CDS1: variants seen among roughly 807,000 people sequenced by gnomAD.
CDS1 encodes CDP-diacylglycerol synthase 1, also known as phosphatidate cytidylyltransferase 1.
In CDS1, 41 loss-of-function variants were observed where a neutral mutation model predicts 62.1. The observed-to-expected ratio is 0.66, with a 90% CI of 0.51 to 0.86. CDS1 has a LOEUF of 0.86. CDS1 is among the 40% of genes least tolerant of loss of function. The probability of loss-of-function intolerance (pLI) is 0.00; values close to 1 mark genes in which losing one functional copy is unlikely to be tolerated. For synonymous variants in CDS1, 185 were observed against 192.6 expected (o/e 0.96, Z 0.32); for missense variants, 470 against 550.1 (o/e 0.85, Z 1.46).
intron 1 of CDS1, among the ~76,000 whole-genome samples, chr4:84,595,723 A>G (rs969455659): frequency 6.6e-6 from 1 of 152,248 alleles, no homozygotes; most frequent in Admixed American, 6.5e-5. Context: ...ATAAGATCTC[A>G]GGTAAAAAAC....
chr4:84,622,939 T>C (rs1189169462), intron 5 of CDS1, among the ~76,000 whole-genome samples: 7 of 152,234 alleles, frequency 4.6e-5, no homozygotes, highest in Non-Finnish European at 7.3e-5. Context: ...TTACAACTTT[T>C]TGTTTTTCCC....
At chr4:84,593,731 TGACCTC>T (rs1328945823) in intron 1 of CDS1, among the ~76,000 whole-genome samples, 1 of 152,158 alleles carries the variant, frequency 6.6e-6, no homozygotes, top group African/African-American at 2.4e-5. Context: ...CTCGAACTCC[TGACCTC>T]AAGTGATCCA....
rs1358912243 is a variant in CDS1, at chr4:84,583,432, C to T, written c.31C>T (p.Pro11Ser). Residue 11 changes from proline (P) to serine (S), a missense_variant, in exon 1 of 13, where the codon CCC (proline) becomes TCC (serine). Pro to Ser is a moderately conservative substitution (Grantham distance 74). This residue lies in a region of CDS1 where 150 missense variants were observed against 142.0 expected (regional missense o/e 1.06). Coordinates refer to ENST00000295887, the MANE Select transcript of CDS1 (RefSeq NM_001263.4). MLELRHRGSC[P>S]GPREAVSPPH... is the part of the protein sequence containing the mutation. ...GGAGCTGAGGCACCGGGGAAGCTGC[C>T]CCGGCCCCAGGGAAGCGGTGTCGCC... is the stretch of plus-strand genomic sequence containing the variant. 2 of 1,596,836 alleles carry T rather than the reference C, an allele frequency of 1.3e-6. No individual in the cohort carries two copies. Among genetic ancestry groups the T allele is most frequent in the African/African-American group, 1.4e-5 (1 of 73,742 alleles).
At chr4:84,611,849 GCCCCCAGCT>G in intron 3 of CDS1, among the ~76,000 whole-genome samples, 1 of 152,228 alleles carries the variant, frequency 6.6e-6, no homozygotes, top group African/African-American at 2.4e-5. Flanking sequence ...CCAGGAAGAG[GCCCCCAGCT>G]CCCAGTCTTC....
chr4:84,638,253 A>G (rs1166173328), intron 8 of CDS1, among the ~76,000 whole-genome samples: 2 of 152,156 alleles, frequency 1.3e-5, no homozygotes, highest in African/African-American at 2.4e-5. Flanking sequence ...CTGGGCAGCA[A>G]TAGCCTGAAT....
chr4:84,645,793 A>G (rs1209745300), intron 12 of CDS1, among the ~76,000 whole-genome samples: 4 of 152,212 alleles, frequency 2.6e-5, no homozygotes, highest in African/African-American at 9.6e-5. Context: ...GAAGTTGAAG[A>G]AAGAATGATG....
intron 2 of CDS1, among the ~76,000 whole-genome samples, chr4:84,605,746 TATAAA>T (rs970902585): frequency 6.6e-6 from 1 of 152,212 alleles, no homozygotes; most frequent in Non-Finnish European, 1.5e-5. Flanking sequence ...TTTTTTCTGA[TATAAA>T]GTAACAATAG....
chr4:84,596,563 A>G (rs935095559), intron 1 of CDS1, among the ~76,000 whole-genome samples: 1 of 152,166 alleles, frequency 6.6e-6, no homozygotes, highest in Non-Finnish European at 1.5e-5. Context: ...CCTTGTGATT[A>G]TATTAGACTC....
chr4:84,623,501 AGTTTTCTATCT>A (rs1182066508), intron 5 of CDS1, among the ~76,000 whole-genome samples: 1 of 152,132 alleles, frequency 6.6e-6, no homozygotes, highest in Non-Finnish European at 1.5e-5. Flanking sequence ...GCCTACTAAC[AGTTTTCTATCT>A]GTTTTCTAGC....
At chr4:84,602,688 G>T (rs1276186579) in intron 1 of CDS1, among the ~76,000 whole-genome samples, 3 of 152,010 alleles carry the variant, frequency 2.0e-5, no homozygotes, top group African/African-American at 7.3e-5. Context: ...AAAGAAAATG[G>T]CAGGGAAAAG....
chr4:84,585,566 G>C (rs912276996), intron 1 of CDS1, among the ~76,000 whole-genome samples: 1 of 152,164 alleles, frequency 6.6e-6, no homozygotes, highest in East Asian at 1.9e-4. Context: ...GGCCTTCCCT[G>C]TTCAGTTGCA....
intron 5 of CDS1, among the ~76,000 whole-genome samples, 177 bp from the exon 6 acceptor site, chr4:84,631,642 T>C (rs1270489628): frequency 6.6e-6 from 1 of 152,204 alleles, no homozygotes; most frequent in African/African-American, 2.4e-5. Flanking sequence ...ACAAGATTGT[T>C]TCCCTCAAGA....
At position 84,583,461 on chromosome 4, in the gene CDS1, A is replaced by G; in HGVS notation, c.60A>G (p.Pro20=). The change falls in exon 1 of 13, where the codon CCA becomes CCG. Residue 20 remains proline (P), a synonymous_variant. Transcript: ENST00000295887. ...CPGPREAVSP[P]HREGEAAGGD... is the part of the protein sequence containing the mutation. Reference sequence around the variant, plus strand: ...GCCCCAGGGAAGCGGTGTCGCCGCCACACCGCGAGGGAGAGGCGGCCGGCG... The same window carrying G: ...GCCCCAGGGAAGCGGTGTCGCCGCCGCACCGCGAGGGAGAGGCGGCCGGCG... 1.3e-6 allele frequency: 2 copies of G among 1,582,906 alleles called. No individual in the cohort carries two copies. Among genetic ancestry groups the G allele is most frequent in the South Asian group, 1.1e-5 (1 of 87,578 alleles).
At chr4:84,630,003 A>G (rs1207742925) in intron 5 of CDS1, among the ~76,000 whole-genome samples, 1 of 152,110 alleles carries the variant, frequency 6.6e-6, no homozygotes, top group African/African-American at 2.4e-5. Flanking sequence ...TTGGACAGAA[A>G]ACATGGTTTC....
intron 3 of CDS1, among the ~76,000 whole-genome samples, chr4:84,615,726 T>C (rs1723474367): frequency 5.3e-5 from 8 of 152,200 alleles, no homozygotes; most frequent in Admixed American, 5.2e-4. Flanking sequence ...CCTCAGTAAC[T>C]AGTAAAGAGT....
At chr4:84,617,432 A>T (rs2148646934) in intron 3 of CDS1, 132 bp from the exon 4 acceptor site, 4 of 590,476 alleles carry the variant, frequency 6.8e-6, no homozygotes, top group Non-Finnish European at 1.2e-5. Flanking sequence ...TGCATTTTTT[A>T]CTGACATTTA....
chr4:84,608,456 G>A (rs1051727444), intron 2 of CDS1, among the ~76,000 whole-genome samples: 3 of 152,160 alleles, frequency 2.0e-5, no homozygotes, highest in Non-Finnish European at 4.4e-5. Flanking sequence ...TTACAGGCGT[G>A]AGCCACCACG....
rs1203593345 is a variant in CDS1, at chr4:84,640,871, GT to G, written c.914del (p.Val305AlafsTer10). ...TGTGTTATCCAAATACCAGTACTTTGTCTGCCCAGTGGAATACCGAAGTGAT... is the reference window on the plus strand; with the variant it reads ...TGTGTTATCCAAATACCAGTACTTTGCTGCCCAGTGGAATACCGAAGTGAT... ...AYVLSKYQYF[V>X]CPVEYRSDVN... is the part of the protein sequence containing the mutation. On this transcript the variant is annotated frameshift_variant, in exon 10 of 13. Coordinates refer to ENST00000295887, the MANE Select transcript of CDS1 (RefSeq NM_001263.4). LOFTEE classifies it high-confidence loss of function. The G allele has an allele frequency of 1.2e-6, 2 of 1,604,146 alleles. No homozygotes were observed. Among genetic ancestry groups the G allele is most frequent in the Non-Finnish European group, 1.7e-6 (2 of 1,176,066 alleles).
intron 1 of CDS1, among the ~76,000 whole-genome samples, chr4:84,599,395 CACACACACACAT>C (rs1368579583): frequency 2.3e-4 from 28 of 121,614 alleles, no homozygotes; most frequent in African/African-American, 9.4e-4. Flanking sequence ...CAAATTTTGA[CACACACACACAT>C]ATATATATAT....
Sources: gnomAD v4.1 joint callset for allele counts (sites outside exome capture counted in the v4.1 genomes callset) on GRCh38, gnomAD v4.1.1 for gene constraint, gnomAD v4.1.1 regional missense constraint, MANE v1.5 for transcripts, NCBI Gene and HGNC (gene_info 2026-07-23, HGNC 2026-07-21) for gene names.